Variants in FMN1 observed in about 807,000 individuals in gnomAD.
The protein encoded by FMN1 is formin 1.
Under a neutral mutation model 132.4 loss-of-function variants are expected in FMN1, and 110 were observed. The observed-to-expected ratio is 0.83, with a 90% CI of 0.71 to 0.97. The LOEUF (loss-of-function observed/expected upper bound fraction) is 0.97. Among genes scored for constraint, FMN1 ranks in the 50% least tolerant of loss-of-function variants. The pLI, the probability that FMN1 is intolerant of heterozygous loss-of-function variation, is 0.00. For missense variants in FMN1, 1,792 were observed against 1,705.3 expected (o/e 1.05, Z -0.90); for synonymous variants, 722 against 651.7 (o/e 1.11, Z -1.64).
chr15:32,827,286 C>T (rs1567230956), intron 17 of FMN1, among the ~76,000 whole-genome samples: 2 of 152,164 alleles, frequency 1.3e-5, no homozygotes, highest in Admixed American at 6.5e-5. Flanking sequence ...CTTTGGGTCT[C>T]GGCAGCATTA....
chr15:33,041,431 C>T (rs2036431922), intron 6 of FMN1, among the ~76,000 whole-genome samples: 1 of 135,342 alleles, frequency 7.4e-6, no homozygotes, highest in South Asian at 2.4e-4. Flanking sequence ...AGTTACTATT[C>T]ACTTCTTTTT....
intron 6 of FMN1, among the ~76,000 whole-genome samples, chr15:33,009,858 G>T (rs576589670): frequency 6.6e-6 from 1 of 152,096 alleles, no homozygotes; most frequent in East Asian, 1.9e-4. Context: ...CAATAAAGAC[G>T]AATATATGCA....
chr15:32,983,346 G>A (rs1596395985), intron 7 of FMN1, among the ~76,000 whole-genome samples: 1 of 152,160 alleles, frequency 6.6e-6, no homozygotes, highest in Non-Finnish European at 1.5e-5. Context: ...TGGATGCCAG[G>A]AGCCTGAGAT....
intron 6 of FMN1, among the ~76,000 whole-genome samples, chr15:33,054,717 CAT>C (rs1196288911): frequency 6.6e-6 from 1 of 152,208 alleles, no homozygotes; most frequent in East Asian, 1.9e-4. Flanking sequence ...ATGAGGCAGA[CAT>C]AAAGCCAATC....
At chr15:32,914,280 A>C (rs1269134997) in intron 10 of FMN1, among the ~76,000 whole-genome samples, 1 of 152,212 alleles carries the variant, frequency 6.6e-6, no homozygotes, top group Non-Finnish European at 1.5e-5. Flanking sequence ...TCTATTAATC[A>C]CCAATAATTA....
intron 17 of FMN1, among the ~76,000 whole-genome samples, chr15:32,846,795 A>G (rs1225830142): frequency 6.6e-6 from 1 of 152,240 alleles, no homozygotes; most frequent in African/African-American, 2.4e-5. Flanking sequence ...GATAGCAAAG[A>G]CTTGGAACCA....
intron 17 of FMN1, among the ~76,000 whole-genome samples, chr15:32,849,862 G>A (rs2058967616): frequency 6.6e-6 from 1 of 152,104 alleles, no homozygotes; most frequent in Admixed American, 6.5e-5. Context: ...TCGCCATGTT[G>A]GCCAGGCTGG....
chr15:33,020,799 C>T (rs1265114366), intron 6 of FMN1, among the ~76,000 whole-genome samples: 1 of 152,190 alleles, frequency 6.6e-6, no homozygotes, highest in African/African-American at 2.4e-5. Context: ...TTTGAAATAT[C>T]TAAGAACTTT....
intron 7 of FMN1, among the ~76,000 whole-genome samples, chr15:33,003,273 G>C (rs1017611140): frequency 9.2e-5 from 14 of 152,212 alleles, no homozygotes; most frequent in African/African-American, 2.4e-4. Context: ...CCTGTTTGCA[G>C]ATGACGTGAT....
At chr15:33,005,825 C>G (rs1404990673) in intron 7 of FMN1, among the ~76,000 whole-genome samples, 1 of 152,146 alleles carries the variant, frequency 6.6e-6, no homozygotes. Context: ...AGGCAGCTGA[C>G]AATCTTTTTT....
chr15:33,000,305 TGGGTGCAGTGGCGGCCGCCTGTA>T (rs2034019945), intron 7 of FMN1, among the ~76,000 whole-genome samples: 1 of 151,824 alleles, frequency 6.6e-6, no homozygotes, highest in Non-Finnish European at 1.5e-5. Context: ...AAAAATTAGC[TGGGTGCAGTGGCGGCCGCCTGTA>T]GTCCCAGCTA....
At position 32,781,887 on chromosome 15, in the gene FMN1, G is replaced by A. The variant is rs191158601; in HGVS notation, c.4131-4968C>T. ...CATCTTTTCCTTCACCTCACTCCAC[G>A]TGTTCCATGACCCACCCAAACGACT... On this transcript the variant is annotated intron_variant, in intron 19 of 20. Transcript: ENST00000616417. 8.6e-4 allele frequency among the ~76,000 whole-genome samples: 131 copies of A among 152,220 alleles called. 1 individual carries two copies. In the Middle Eastern group the frequency reaches 0.014, roughly 16 times the overall value.
intron 16 of FMN1, among the ~76,000 whole-genome samples, chr15:32,886,181 T>C (rs558828225): frequency 6.6e-6 from 1 of 152,304 alleles, no homozygotes; most frequent in African/African-American, 2.4e-5. Context: ...ATTTACTGGG[T>C]ACCTTTCATG....
At chr15:32,822,433 A>C (rs2058244184) in intron 17 of FMN1, among the ~76,000 whole-genome samples, 1 of 152,132 alleles carries the variant, frequency 6.6e-6, no homozygotes. Context: ...TACTTTTCTC[A>C]TTTACTTTAA....
intron 17 of FMN1, among the ~76,000 whole-genome samples, chr15:32,854,780 G>A (rs541564299): frequency 4.6e-5 from 7 of 152,072 alleles, no homozygotes; most frequent in African/African-American, 1.7e-4. Flanking sequence ...CGGGTGTGGT[G>A]GTGGGCGCCT....
At chr15:32,882,262 C>T (rs1453737565) in intron 16 of FMN1, among the ~76,000 whole-genome samples, 1 of 152,182 alleles carries the variant, frequency 6.6e-6, no homozygotes, top group Non-Finnish European at 1.5e-5. Flanking sequence ...TGTAAAGGAA[C>T]AAAGTACGGC....
At chr15:33,123,250 C>G (rs1350963095) in intron 4 of FMN1, among the ~76,000 whole-genome samples, 2 of 151,942 alleles carry the variant, frequency 1.3e-5, no homozygotes, top group African/African-American at 4.8e-5. Flanking sequence ...TTATTTCTGT[C>G]CACTCTGCTG....
chr15:32,810,442 A>G (rs1426886531), intron 17 of FMN1, among the ~76,000 whole-genome samples: 1 of 152,252 alleles, frequency 6.6e-6, no homozygotes, highest in African/African-American at 2.4e-5. Context: ...AGGCACAAAC[A>G]GCACTAACAC....
intron 17 of FMN1, among the ~76,000 whole-genome samples, chr15:32,833,371 G>C (rs2058548523): frequency 6.6e-6 from 1 of 152,172 alleles, no homozygotes; most frequent in Non-Finnish European, 1.5e-5. Context: ...CTCATCTGGA[G>C]AAGTGGGGTG....
Sources: allele counts gnomAD v4.1 joint callset (sites outside exome capture counted in the v4.1 genomes callset), GRCh38; gene constraint gnomAD v4.1.1; transcripts MANE v1.5; gene names NCBI Gene and HGNC (gene_info 2026-07-23, HGNC 2026-07-21).